Variants in HACD3 observed in about 807,000 individuals in gnomAD.
HACD3 encodes 3-hydroxyacyl-CoA dehydratase 3.
In HACD3, 30 loss-of-function variants were observed where a neutral mutation model predicts 55.2. That is an observed-to-expected ratio of 0.54 (90% CI 0.41 to 0.74). HACD3 has a LOEUF of 0.74. Among genes scored for constraint, HACD3 ranks in the 30% least tolerant of loss-of-function variants. The pLI is 0.00. For missense variants in HACD3, 363 were observed against 440.1 expected (o/e 0.82, Z 1.57); for synonymous variants, 141 against 151.7 (o/e 0.93, Z 0.52).
chr15:65,567,043 C>T (rs1458607492), intron 7 of HACD3: 1 of 152,122 alleles, frequency 6.6e-6, no homozygotes, highest in Non-Finnish European at 1.5e-5. Flanking sequence ...AAATTTACAG[C>T]CAGGCATGGT....
chr15:65,543,413 T>C (rs1444266208), intron 1 of HACD3, among the ~76,000 whole-genome samples: 2 of 152,180 alleles, frequency 1.3e-5, no homozygotes, highest in African/African-American at 4.8e-5. Context: ...AGTAGGTTTA[T>C]TGTTGGTAAA....
At chr15:65,544,584 T>C (rs2072055377) in intron 1 of HACD3, among the ~76,000 whole-genome samples, 1 of 151,992 alleles carries the variant, frequency 6.6e-6, no homozygotes, top group South Asian at 2.1e-4. Flanking sequence ...ACACAGTAGG[T>C]GTGTATATTT....
At chr15:65,574,982 C>T (rs941170005) in intron 10 of HACD3, among the ~76,000 whole-genome samples, 6 of 152,086 alleles carry the variant, frequency 3.9e-5, no homozygotes, top group African/African-American at 1.4e-4. Flanking sequence ...TTTTAAAGTG[C>T]ATTGACTTAG....
chr15:65,560,181 C>T (rs779901843), intron 5 of HACD3, among the ~76,000 whole-genome samples: 2 of 151,866 alleles, frequency 1.3e-5, no homozygotes, highest in African/African-American at 2.4e-5. Flanking sequence ...CTGGCTTAGG[C>T]TGCTTTTGAT....
chr15:65,552,116 A>G (rs1367811328), intron 2 of HACD3, among the ~76,000 whole-genome samples: 6 of 152,148 alleles, frequency 3.9e-5, no homozygotes, highest in Admixed American at 3.9e-4. Flanking sequence ...TAATGTTTCC[A>G]CAGGACTCTC....
intron 10 of HACD3, 108 bp from the exon 11 acceptor site, chr15:65,576,193 GCT>G: frequency 6.7e-7 from 1 of 1,482,004 alleles, no homozygotes; most frequent in Non-Finnish European, 9.0e-7. Context: ...GCTGCAATAA[GCT>G]TTTTGCTGTG....
intron 3 of HACD3, 32 bp from the exon 4 acceptor site, chr15:65,556,707 G>A: frequency 1.3e-6 from 2 of 1,579,926 alleles, no homozygotes; most frequent in Admixed American, 1.7e-5. Context: ...GAACAGAAGA[G>A]GGCATTCTCA....
At chr15:65,533,486 C>T (rs1434978459) in intron 1 of HACD3, among the ~76,000 whole-genome samples, 3 of 152,128 alleles carry the variant, frequency 2.0e-5, no homozygotes, top group African/African-American at 7.2e-5. Context: ...GTGGCATAGC[C>T]ACTATGTATT....
chr15:65,558,340 C>T (rs1249631569), intron 4 of HACD3, among the ~76,000 whole-genome samples: 2 of 152,192 alleles, frequency 1.3e-5, no homozygotes, highest in African/African-American at 4.8e-5. Context: ...AAATAGCAGT[C>T]TACCTCCTGC....
At chr15:65,540,496 T>C (rs1221384686) in intron 1 of HACD3, among the ~76,000 whole-genome samples, 1 of 152,142 alleles carries the variant, frequency 6.6e-6, no homozygotes, top group Non-Finnish European at 1.5e-5. Context: ...GGGTGAAACT[T>C]GAAAGTTAAA....
intron 8 of HACD3, among the ~76,000 whole-genome samples, chr15:65,570,759 C>G (rs532926159): frequency 6.6e-6 from 1 of 152,266 alleles, no homozygotes; most frequent in East Asian, 1.9e-4. Flanking sequence ...CTCCATATGT[C>G]TTCCCTTTCA....
chr15:65,555,033 C>G (rs2072174994), intron 3 of HACD3, 73 bp downstream of exon 3: 1 of 1,208,326 alleles, frequency 8.3e-7, no homozygotes, highest in Non-Finnish European at 1.2e-6. Context: ...AAATGGGGAG[C>G]AGGGTTTGTG....
chr15:65,555,193 C>G (rs1185603356), intron 3 of HACD3, among the ~76,000 whole-genome samples: 4 of 152,202 alleles, frequency 2.6e-5, no homozygotes, highest in Non-Finnish European at 2.9e-5. Flanking sequence ...TTGAACAAGT[C>G]TCTTAACTTC....
chr15:65,538,645 G>C (rs1367885517), intron 1 of HACD3, among the ~76,000 whole-genome samples: 1 of 152,248 alleles, frequency 6.6e-6, no homozygotes, highest in Non-Finnish European at 1.5e-5. Flanking sequence ...CAGGGGTTGA[G>C]AGTATACTCT....
rs1024320092 is a variant in HACD3, at chr15:65,530,499, C to A, written c.-133C>A. 3.9e-5 allele frequency: 29 copies of A among 739,488 alleles called. No homozygotes were observed. The highest frequency in any genetic ancestry group is 1.2e-5 in the Non-Finnish European group (6 of 485,346). 45.8% of individuals were successfully genotyped at this position (739,488 alleles called of 1,614,324 possible). ...GGCGCGGCCCGCGAGCGTGGGGTAT[C>A]TCGAGGTGCCGGGTTGCAGGCGCTC... is the stretch of plus-strand genomic sequence containing the variant. On this transcript the variant is annotated 5_prime_UTR_variant, in exon 1 of 11. Transcript: ENST00000261875.
At chr15:65,556,474 T>TGG (rs2072191146) in intron 3 of HACD3, among the ~76,000 whole-genome samples, 1 of 151,788 alleles carries the variant, frequency 6.6e-6, no homozygotes, top group Non-Finnish European at 1.5e-5. Context: ...AGAGCGAGTC[T>TGG]AAATATAGGT....
rs1200811386 is a variant in HACD3, at chr15:65,556,810, A to T, written c.276A>T (p.Arg92Ser). 6.2e-7 allele frequency: 1 copy of T among 1,612,080 alleles called. No homozygotes were observed. Among genetic ancestry groups the T allele is most frequent in the East Asian group, 2.2e-5 (1 of 44,844 alleles). ...AGAAAGTGAGTCAGTGGTGGGAGAGACTCACAAAGCAGGAAAAGCGACCAC... is the reference window on the plus strand; with the variant it reads ...AGAAAGTGAGTCAGTGGTGGGAGAGTCTCACAAAGCAGGAAAAGCGACCAC... ...VQKKVSQWWE[R>S]LTKQEKRPLF... Residue 92 changes from arginine (R) to serine (S), a missense_variant, in exon 4 of 11, where the codon AGA becomes AGT. Physicochemically the swap from Arg to Ser is moderately radical, Grantham distance 110. Coordinates refer to ENST00000261875, the MANE Select transcript of HACD3 (RefSeq NM_016395.4).
chr15:65,569,136 T>C (rs2072323136), intron 7 of HACD3, among the ~76,000 whole-genome samples: 1 of 151,566 alleles, frequency 6.6e-6, no homozygotes, highest in African/African-American at 2.4e-5. Context: ...TAGTCCCAGC[T>C]ACTCGGGAGG....
rs747065485 is a variant in HACD3, at chr15:65,558,723, C to T, written c.413C>T (p.Ser138Phe). The change falls in exon 5 of 11, where the codon TCT becomes TTT. Residue 138 changes from serine (S) to phenylalanine (F), a missense_variant. Transcript: ENST00000261875. ...AAACTCCGACTGGAAAGCGAAGGCT[C>T]TCCTGAAAGTAAGTTGTGCTGCTGC... ...LNKLRLESEG[S>F]PETLTNLRKG... is the part of the protein sequence containing the mutation. The T allele has an allele frequency of 1.2e-6, 2 of 1,601,338 alleles. No individual in the cohort carries two copies. Among genetic ancestry groups the T allele is most frequent in the East Asian group, 2.2e-5 (1 of 44,536 alleles).
Sources: gnomAD v4.1 joint callset for allele counts (sites outside exome capture counted in the v4.1 genomes callset) on GRCh38, gnomAD v4.1.1 for gene constraint, MANE v1.5 for transcripts, NCBI Gene and HGNC (gene_info 2026-07-23, HGNC 2026-07-21) for gene names.